The following IL12RB1 variants were observed in gnomAD, a reference collection of about 807,000 sequenced individuals.
The protein encoded by IL12RB1 is interleukin 12 receptor subunit beta 1.
A neutral mutation model predicts 94.4 loss-of-function variants in IL12RB1; 64 were observed. The observed-to-expected ratio is 0.68, with a 90% CI of 0.55 to 0.83. The LOEUF (loss-of-function observed/expected upper bound fraction) is 0.83, where lower values mean the gene tolerates loss of function less well. IL12RB1 is among the 40% of genes least tolerant of loss of function. IL12RB1 has a pLI of 0.00. For synonymous variants in IL12RB1, 362 were observed against 355.5 expected, an observed-to-expected ratio of 1.02 and a Z score of -0.21; for missense variants, 814 against 855.6, an observed-to-expected ratio of 0.95 and a Z score of 0.61.
rs768241396 is a variant in IL12RB1, at chr19:18,066,671, C to T, written c.1354G>A (p.Val452Ile). The T allele has an allele frequency of 1.4e-5, 23 of 1,610,096 alleles. No homozygotes were observed. The highest frequency in any genetic ancestry group is 3.3e-5 in the South Asian group (3 of 91,000). The change falls in exon 12 of 17, where the codon GTC (valine) becomes ATC (isoleucine). Residue 452 changes from valine to isoleucine, a missense_variant. Coordinates refer to ENST00000593993, the MANE Select transcript of IL12RB1 (RefSeq NM_005535.3). ...NASAAGTPHH[V>I]SVKNHSLDSV... Reference sequence around the variant, plus strand: ...TCCAAGCTATGATTCTTCACCGAGACGTGGTGCGGTGTCCCAGCTGCTGAG... The same window carrying T: ...TCCAAGCTATGATTCTTCACCGAGATGTGGTGCGGTGTCCCAGCTGCTGAG...
At position 18,077,580 on chromosome 19, in the gene IL12RB1, G is replaced by A. The variant is rs1464297685; in HGVS notation, c.485C>T (p.Pro162Leu). The change falls in exon 5 of 17, where the codon CCG (proline) becomes CTG (leucine). Residue 162 changes from proline to leucine, a missense_variant. By Grantham distance (98) the Pro-to-Leu change is moderately conservative. Transcript: ENST00000593993. ...AGQLRMEWET[P>L]DNQVGAEVQF... ...CACCTCAGCACCAACCTGGTTATCC[G>A]GGGTCTCCCACTCCATACGCAGCTG... 1.2e-6 allele frequency: 2 copies of A among 1,607,944 alleles called. No homozygotes were observed. Among genetic ancestry groups the A allele is most frequent in the South Asian group, 1.1e-5 (1 of 90,888 alleles).
At position 18,083,418 on chromosome 19, in the gene IL12RB1, G is replaced by A. The variant is rs113221245; in HGVS notation, c.124+14C>T. ...TACATAATCCTCAGCCAACAATGAG[G>A]AACTGCCCCGAACCTGAGTCTGCAT... On this transcript the variant is annotated intron_variant, in intron 2 of 16. Coordinates refer to ENST00000593993, the MANE Select transcript of IL12RB1 (RefSeq NM_005535.3). 3.7e-4 allele frequency: 597 copies of A among 1,613,320 alleles called. 3 individuals carry two copies. The African/African-American group carries it at 6.6e-3, about 18-fold the overall frequency.
rs924469284 is a variant in IL12RB1 at position 18,069,857 on chromosome 19, C to T, written c.1022-144G>A. 7.5e-6 allele frequency: 5 copies of T among 668,918 alleles called. No homozygotes were observed. In the African/African-American group the frequency reaches 8.9e-5, roughly 12 times the overall value. 41.4% of individuals were successfully genotyped at this position (668,918 alleles called of 1,614,324 possible). A position where few individuals can be genotyped will look rare whatever the true frequency, so the allele number is the denominator to read the frequency against. ...AGGGGTGTCTGTGTTTGGCTGTTTCCCTGCACTGGAGGCTGCCTTGGGGCC... is the reference window on the plus strand; with the variant it reads ...AGGGGTGTCTGTGTTTGGCTGTTTCTCTGCACTGGAGGCTGCCTTGGGGCC... On this transcript the variant is annotated intron_variant, in intron 9 of 16. Transcript: ENST00000593993.
upstream of IL12RB1, chr19:18,087,109 T>G: frequency 1.9e-6 from 1 of 532,596 alleles, no homozygotes; most frequent in African/African-American, 1.9e-5. Context: ...TCTGCCCTGC[T>G]GGCCCCAGAC....
At chr19:18,065,868 C>T (rs77721313) in intron 12 of IL12RB1, among the ~76,000 whole-genome samples, 1 of 151,100 alleles carries the variant, frequency 6.6e-6, no homozygotes, top group African/African-American at 2.4e-5. Flanking sequence ...AGCAAGGCCT[C>T]ATTTCTACAA....
chr19:18,098,700 C>T, intron 1 of IL12RB1: 2 of 456,680 alleles, frequency 4.4e-6, no homozygotes, highest in Non-Finnish European at 8.8e-6. Context: ...ACTTAGACCA[C>T]ACCCTTAAGA....
In IL12RB1 at chr19:18,082,159, A is replaced by C. The variant is rs1412769589; in HGVS notation, c.230T>G (p.Leu77Arg). 6.2e-7 allele frequency: 1 copy of C among 1,605,228 alleles called. No homozygotes were observed. Among genetic ancestry groups the C allele is most frequent in the African/African-American group, 1.3e-5 (1 of 74,734 alleles). Residue 77 changes from leucine to arginine, a missense_variant, in exon 3 of 17, where the codon CTG (leucine) becomes CGG (arginine). Transcript: ENST00000593993. Reference protein sequence around the residue: ...EGPTAGVSHFLRCCLSSGRCC... With the variant: ...EGPTAGVSHFRRCCLSSGRCC... ...GTAGAGGGGTCCTCACCAACACCGC[A>C]GGAAGTGGCTGACCCCAGCTGTGGG...
At position 18,068,515 on chromosome 19, in the gene IL12RB1, A is replaced by G. The variant is rs1416312567; in HGVS notation, c.1201T>C (p.Trp401Arg). The change falls in exon 11 of 17, where the codon TGG becomes CGG. Residue 401 changes from tryptophan to arginine, a missense_variant. Physicochemically the swap from Trp to Arg is moderately radical, Grantham distance 101 (BLOSUM62 -3). Coordinates refer to ENST00000593993, the MANE Select transcript of IL12RB1 (RefSeq NM_005535.3). Reference protein sequence around the residue: ...PDPAGMATYSWSRESGAMGQE... With the variant: ...PDPAGMATYSRSRESGAMGQE... ...CCCATTGCCCCAGACTCTCGACTCC[A>G]GCTGTAGGTTGCTGGAAGGATAAGC... The G allele has an allele frequency of 1.9e-6, 3 of 1,612,798 alleles. No individual in the cohort carries two copies. The highest frequency in any genetic ancestry group is 1.7e-6 in the Non-Finnish European group (2 of 1,179,074).
intron 2 of IL12RB1, chr19:18,083,201 G>T: frequency 1.6e-6 from 1 of 627,284 alleles, no homozygotes; most frequent in Admixed American, 2.4e-5. Flanking sequence ...ACAGACACCA[G>T]CCCTGAGACC....
At chr19:18,081,074 C>G in intron 3 of IL12RB1, 73 bp from the exon 4 acceptor site, 1 of 1,328,772 alleles carries the variant, frequency 7.5e-7, no homozygotes, top group South Asian at 1.2e-5. Context: ...TTGTGCATCA[C>G]ATCCCAGCAT....
At chr19:18,089,390 C>T (rs1179470005), upstream of IL12RB1, among the ~76,000 whole-genome samples, 2 of 151,990 alleles carry the variant, frequency 1.3e-5, no homozygotes, top group Non-Finnish European at 2.9e-5. Flanking sequence ...CTTGGGAGGC[C>T]GAGCCAGGTG....
chr19:18,067,402 C>T (rs1346386320), intron 11 of IL12RB1, among the ~76,000 whole-genome samples: 11 of 150,150 alleles, frequency 7.3e-5, no homozygotes, highest in Non-Finnish European at 4.4e-5. Flanking sequence ...TGTCCAGAGA[C>T]GGAGGTAACA....
chr19:18,080,386 G>A (rs141874100), intron 4 of IL12RB1, among the ~76,000 whole-genome samples: 180 of 152,142 alleles, frequency 1.2e-3, no homozygotes, highest in African/African-American at 4.0e-3. Context: ...CTACAGGCGC[G>A]CGTGGCCACT....
In IL12RB1 at chr19:18,063,883, GA is replaced by G. The variant is rs753471142; in HGVS notation, c.1610del (p.Phe537SerfsTer21). On this transcript the variant is annotated frameshift_variant, in exon 13 of 17. Transcript: ENST00000593993. LOFTEE classifies it high-confidence loss of function. ...LRGVWSQPQRFSIEVQVSDWL... is the reference protein window; with the variant it reads ...LRGVWSQPQRXSIEVQVSDWL... The stretch of plus-strand genomic sequence containing the variant: ...CCTACCCCCTCCACTCACCGATGCT[GA>G]AGCGCTGGGGCTGGCTCCAGACACC... 4 of 1,613,156 alleles carry G rather than the reference GA, an allele frequency of 2.5e-6. No individual in the cohort carries two copies. In the African/African-American group the frequency reaches 5.3e-5, roughly 22 times the overall value.
rs376204062 is a variant in IL12RB1 at position 18,081,008 on chromosome 19, C to T, written c.240-7G>A. 1.9e-6 allele frequency: 3 copies of T among 1,610,000 alleles called. No homozygotes were observed. The highest frequency in any genetic ancestry group is 2.5e-6 in the Non-Finnish European group (3 of 1,179,702). Reference sequence around the variant, plus strand: ...GCAGCGCCCGGAGCTAAGGCTGCAGCAGGAAGGAGGGTGTCAGTGCCGAGT... The same window carrying T: ...GCAGCGCCCGGAGCTAAGGCTGCAGTAGGAAGGAGGGTGTCAGTGCCGAGT... On this transcript the variant is annotated splice_polypyrimidine_tract_variant and splice_region_variant and intron_variant, in intron 3 of 16. Transcript: ENST00000593993.
At chr19:18,087,044 G>A (rs144329540), upstream of IL12RB1, 17 of 906,568 alleles carry the variant, frequency 1.9e-5, no homozygotes, top group East Asian at 8.1e-5. Flanking sequence ...TGATGGTGGC[G>A]GCCACAGACT....
chr19:18,077,388 A>C, intron 5 of IL12RB1, 128 bp downstream of exon 5: 1 of 739,050 alleles, frequency 1.4e-6, no homozygotes, highest in Non-Finnish European at 2.3e-6. Flanking sequence ...AAAGAAAAAA[A>C]CCACCTCAGG....
chr19:18,083,385 C>G, intron 2 of IL12RB1, 47 bp downstream of exon 2: 4 of 1,574,586 alleles, frequency 2.5e-6, no homozygotes, highest in Non-Finnish European at 2.6e-6. Context: ...TGGGGTCAGG[C>G]AGAGCCCTAC....
At position 18,082,227 on chromosome 19, in the gene IL12RB1, C is replaced by T; in HGVS notation, c.162G>A (p.Arg54=). Residue 54 remains arginine, a synonymous_variant, in exon 3 of 17, where the codon CGG becomes CGA. Transcript: ENST00000593993. ...AGCACTCGTAACGATCACTGGATAT[C>T]CGATAGCATCTCAGGTCCCTAGGGC... ...ASGPRDLRCY[R]ISSDRYECSW... 1 of 1,613,720 alleles carries T rather than the reference C, an allele frequency of 6.2e-7. No homozygotes were observed. Among genetic ancestry groups the T allele is most frequent in the Non-Finnish European group, 8.5e-7 (1 of 1,179,766 alleles).
Sources: allele counts gnomAD v4.1 joint callset (sites outside exome capture counted in the v4.1 genomes callset), GRCh38; gene constraint gnomAD v4.1.1; transcripts MANE v1.5; gene names NCBI Gene and HGNC (gene_info 2026-07-23, HGNC 2026-07-21).